RSRC1: variants seen among roughly 807,000 people sequenced by gnomAD.
RSRC1 encodes serine/Arginine-related protein 53.
A neutral mutation model predicts 49.1 loss-of-function variants in RSRC1; 39 were observed. The ratio of observed to expected loss-of-function variants is 0.79; its 90% CI spans 0.61 to 1.04. The LOEUF is 1.04. Among genes scored for constraint, RSRC1 ranks in the 50% least tolerant of loss-of-function variants. The probability of loss-of-function intolerance (pLI) is 0.00; values close to 1 mark genes in which losing one functional copy is unlikely to be tolerated. For missense variants in RSRC1, 388 were observed against 402.4 expected (o/e 0.96, Z 0.31); for synonymous variants, 143 against 130.8 (o/e 1.09, Z -0.63).
At chr3:158,513,663 A>G (rs1463864429) in intron 7 of RSRC1, among the ~76,000 whole-genome samples, 6 of 152,134 alleles carry the variant, frequency 3.9e-5, no homozygotes, top group East Asian at 3.9e-4. Flanking sequence ...CTCTTTTTCT[A>G]TTGATTGGAA....
At chr3:158,373,952 T>G (rs1476745944) in intron 6 of RSRC1, among the ~76,000 whole-genome samples, 1 of 152,080 alleles carries the variant, frequency 6.6e-6, no homozygotes, top group Non-Finnish European at 1.5e-5. Context: ...TTCTCTAGTT[T>G]TTCAATAAGC....
rs546416696 is a variant in RSRC1, at chr3:158,175,199, T to A, written c.321-27873T>A. The stretch of plus-strand genomic sequence containing the variant: ...AATGATTTGTGGCAGTTTTTAAGGG[T>A]TTTTTTTCATATATTCTGGTTATAA... On this transcript the variant is annotated intron_variant, in intron 3 of 9. Transcript: ENST00000611884. 9.0e-3 allele frequency among the ~76,000 whole-genome samples: 1,361 copies of A among 151,914 alleles called. 20 individuals are homozygous for A. The highest frequency in any genetic ancestry group is 0.048 in the South Asian group (230 of 4,818).
intron 6 of RSRC1, among the ~76,000 whole-genome samples, chr3:158,429,072 C>A (rs1735624944): frequency 6.6e-6 from 1 of 151,850 alleles, no homozygotes; most frequent in Non-Finnish European, 1.5e-5. Context: ...AGCGCCCTAG[C>A]AAGCTAGTTC....
chr3:158,467,439 A>G (rs1737939944), intron 7 of RSRC1, among the ~76,000 whole-genome samples: 1 of 152,250 alleles, frequency 6.6e-6, no homozygotes, highest in Admixed American at 6.5e-5. Context: ...ATAATAATCT[A>G]TCTACTATCT....
At chr3:158,249,554 T>TACA (rs1724090953) in intron 4 of RSRC1, among the ~76,000 whole-genome samples, 1 of 152,232 alleles carries the variant, frequency 6.6e-6, no homozygotes, top group Admixed American at 6.5e-5. Context: ...TTTTGACTAT[T>TACA]ACAAAACCAG....
At chr3:158,525,006 T>C (rs1711919073) in intron 7 of RSRC1, among the ~76,000 whole-genome samples, 1 of 152,052 alleles carries the variant, frequency 6.6e-6, no homozygotes, top group Admixed American at 6.6e-5. Flanking sequence ...TTTTGCAGCC[T>C]TGAGTATGCA....
In RSRC1 at chr3:158,502,334, A is replaced by G. The variant is rs1053246201; in HGVS notation, c.653-34758A>G. On this transcript the variant is annotated intron_variant, in intron 7 of 9. Coordinates refer to ENST00000611884, the MANE Select transcript of RSRC1 (RefSeq NM_001271838.2). ...CTTAACTTTGGATAACCTGATGACA[A>G]TGTGCCTAGGTGATGATCTTTTTGC... 4.0e-5 allele frequency among the ~76,000 whole-genome samples: 6 copies of G among 151,732 alleles called. No individual in the cohort carries two copies. The East Asian group carries it at 7.7e-4, about 20-fold the overall frequency.
At chr3:158,222,055 A>T (rs191169588) in intron 4 of RSRC1, among the ~76,000 whole-genome samples, 9 of 151,464 alleles carry the variant, frequency 5.9e-5, no homozygotes, top group Non-Finnish European at 1.5e-5. Flanking sequence ...TAGGGGATTG[A>T]TAAGTTTTGG....
intron 5 of RSRC1, among the ~76,000 whole-genome samples, chr3:158,298,909 T>G (rs1386358381): frequency 6.6e-6 from 1 of 152,182 alleles, no homozygotes; most frequent in East Asian, 1.9e-4. Context: ...TTTGTTCTGC[T>G]TCCACAAAAG....
intron 6 of RSRC1, among the ~76,000 whole-genome samples, chr3:158,436,253 T>G (rs1305514824): frequency 6.6e-6 from 1 of 151,874 alleles, no homozygotes; most frequent in East Asian, 1.9e-4. Context: ...TACAGTTTTC[T>G]CAGACCTAAG....
chr3:158,489,782 G>C, intron 7 of RSRC1, among the ~76,000 whole-genome samples: 1 of 151,966 alleles, frequency 6.6e-6, no homozygotes, highest in Non-Finnish European at 1.5e-5. Flanking sequence ...AGCTTTTTTA[G>C]TATCATTTCT....
chr3:158,463,271 C>A (rs539700840), intron 7 of RSRC1, among the ~76,000 whole-genome samples: 1 of 152,104 alleles, frequency 6.6e-6, no homozygotes, highest in African/African-American at 2.4e-5. Flanking sequence ...TTGCTAGATT[C>A]TTTGTTGTTG....
chr3:158,504,188 T>A (rs1739743629), intron 7 of RSRC1, among the ~76,000 whole-genome samples: 1 of 152,204 alleles, frequency 6.6e-6, no homozygotes, highest in Non-Finnish European at 1.5e-5. Flanking sequence ...GCTGTCCCAT[T>A]CTCACTTCCA....
At chr3:158,199,380 A>G (rs1432452058) in intron 3 of RSRC1, among the ~76,000 whole-genome samples, 2 of 151,886 alleles carry the variant, frequency 1.3e-5, no homozygotes, top group Non-Finnish European at 2.9e-5. Flanking sequence ...CACATTCTTT[A>G]TTCTTTGGTA....
chr3:158,237,884 A>G (rs771875769), intron 4 of RSRC1, among the ~76,000 whole-genome samples: 26 of 152,148 alleles, frequency 1.7e-4, no homozygotes, highest in Non-Finnish European at 3.7e-4. Context: ...GTCTTGTGCC[A>G]GTTTTCAAAG....
At chr3:158,262,552 G>A (rs1313636541) in intron 4 of RSRC1, among the ~76,000 whole-genome samples, 1 of 151,978 alleles carries the variant, frequency 6.6e-6, no homozygotes, top group Non-Finnish European at 1.5e-5. Context: ...TAAGTTCTTT[G>A]TTATTACTAC....
chr3:158,358,855 G>A (rs975062761), intron 6 of RSRC1, among the ~76,000 whole-genome samples: 1 of 151,706 alleles, frequency 6.6e-6, no homozygotes, highest in Non-Finnish European at 1.5e-5. Flanking sequence ...TATAATCTGT[G>A]ACCTTGTGTG....
intron 4 of RSRC1, among the ~76,000 whole-genome samples, chr3:158,288,305 C>CT (rs1726697135): frequency 6.6e-6 from 1 of 152,168 alleles, no homozygotes; most frequent in African/African-American, 2.4e-5. Context: ...TCCAACCACT[C>CT]TAACACATCT....
At chr3:158,521,403 G>C (rs1711665028) in intron 7 of RSRC1, among the ~76,000 whole-genome samples, 1 of 151,950 alleles carries the variant, frequency 6.6e-6, no homozygotes. Context: ...ACACAATCCT[G>C]ATCTTTCCAT....
Sources: allele counts gnomAD v4.1 joint callset (sites outside exome capture counted in the v4.1 genomes callset), GRCh38; gene constraint gnomAD v4.1.1; transcripts MANE v1.5; gene names NCBI Gene and HGNC (gene_info 2026-07-23, HGNC 2026-07-21).